Variants in PLCG2 observed in about 807,000 individuals in gnomAD.
The protein encoded by PLCG2 is phospholipase C gamma 2.
PLCG2 carries 69 observed loss-of-function variants against 175.6 expected under a neutral mutation model. The observed-to-expected ratio is 0.39, with a 90% CI of 0.32 to 0.48. The LOEUF is 0.48. PLCG2 is among the 20% of genes least tolerant of loss of function. The pLI is 0.91. For missense variants in PLCG2, 1,798 were observed against 1,650.9 expected (o/e 1.09, Z -1.54); for synonymous variants, 827 against 624.0 (o/e 1.33, Z -4.85).
At chr16:81,946,447 A>G (rs1365377987) in intron 31 of PLCG2, among the ~76,000 whole-genome samples, 184 bp downstream of exon 31, 2 of 152,138 alleles carry the variant, frequency 1.3e-5, no homozygotes, top group Non-Finnish European at 2.9e-5. Flanking sequence ...TTTCCCTCCC[A>G]GCATCCTCCT....
intron 2 of PLCG2, among the ~76,000 whole-genome samples, chr16:81,791,921 C>G (rs994262489): frequency 1.3e-5 from 2 of 152,092 alleles, no homozygotes; most frequent in African/African-American, 2.4e-5. Context: ...CAGAAGAGTC[C>G]CAGGCAGAAG....
intron 5 of PLCG2, among the ~76,000 whole-genome samples, chr16:81,860,173 T>TTATTATTA (rs56260145): frequency 2.3e-4 from 19 of 81,524 alleles, no homozygotes; most frequent in Non-Finnish European, 3.6e-4. Context: ...ATTATTATTA[T>TTATTATTA]TTTTTTTTTT....
intron 2 of PLCG2, among the ~76,000 whole-genome samples, chr16:81,850,648 G>A (rs948820017): frequency 1.3e-5 from 2 of 152,192 alleles, no homozygotes; most frequent in Admixed American, 1.3e-4. Context: ...AGACAGTCAG[G>A]AGAGGAATTT....
chr16:81,954,018 G>C lies in PLCG2; in HGVS notation c.3571-2677G>C, dbSNP rs1281942841. Among the ~76,000 whole-genome samples, 6 of 152,158 alleles carry C rather than the reference G, an allele frequency of 3.9e-5. No individual in the cohort carries two copies. In the East Asian group the frequency reaches 9.7e-4, roughly 24 times the overall value. On this transcript the variant is annotated intron_variant, in intron 31 of 32. Transcript: ENST00000564138. ...GGTATAGTATTAAGACTTAAATGGG[G>C]TTTTCATTTTGCTTTATTTTTTGAG...
At chr16:81,914,230 G>A (rs1400983670) in intron 19 of PLCG2, among the ~76,000 whole-genome samples, 3 of 152,230 alleles carry the variant, frequency 2.0e-5, no homozygotes, top group Admixed American at 6.5e-5. Flanking sequence ...GTGCCCAAGC[G>A]GTGAGACAGC....
chr16:81,908,709 T>G, intron 17 of PLCG2, 118 bp downstream of exon 17: 1 of 840,174 alleles, frequency 1.2e-6, no homozygotes, highest in East Asian at 2.8e-5. Flanking sequence ...AATCCCAGGC[T>G]TCATTTGTCT....
Position 81,921,220 on chromosome 16 carries a change from A to G in PLCG2, c.2258A>G (p.Tyr753Cys). Residue 753 changes from tyrosine to cysteine, a missense_variant, in exon 21 of 33, where the codon TAC (tyrosine) becomes TGC (cysteine). Physicochemically the swap from Tyr to Cys is radical, Grantham distance 194 (BLOSUM62 -2). Transcript: ENST00000564138. ...YNMERDINSL[Y>C]DVSRMYVDPS... Reference sequence around the variant, plus strand: ...CAGGAAAGAGATATAAACTCCCTCTACGACGTCAGCAGAATGTATGTGGAT... The same window carrying G: ...CAGGAAAGAGATATAAACTCCCTCTGCGACGTCAGCAGAATGTATGTGGAT... 6.2e-7 allele frequency: 1 copy of G among 1,604,276 alleles called. No homozygotes were observed. The highest frequency in any genetic ancestry group is 8.5e-7 in the Non-Finnish European group (1 of 1,171,168).
At position 81,806,019 on chromosome 16, in the gene PLCG2, A is replaced by G. The variant is rs568713405; in HGVS notation, c.193+19837A>G. ...GAAACTAACTTTATTAATAAATTTT[A>G]TTTAACTCAGTATATCCAAAGCATT... On this transcript the variant is annotated intron_variant, in intron 2 of 32. Coordinates refer to ENST00000564138, the MANE Select transcript of PLCG2 (RefSeq NM_002661.5). 2.0e-5 allele frequency among the ~76,000 whole-genome samples: 3 copies of G among 152,028 alleles called. No homozygotes were observed. The East Asian group carries it at 5.8e-4, about 29-fold the overall frequency.
At chr16:81,771,068 A>AT in intron 2 of PLCG2, among the ~76,000 whole-genome samples, 2 of 120,318 alleles carry the variant, frequency 1.7e-5, no homozygotes, top group African/African-American at 5.8e-5. Flanking sequence ...AAAAAAAAAA[A>AT]AAAATAAATA....
At position 81,961,670 on chromosome 16, in the gene PLCG2, A is replaced by G. The variant is rs919257545; in HGVS notation, c.*3672A>G. ...CTTGTTCCAGGTAAGACTGATCATA[A>G]AAAAATGGCCCTGTTCATAAAATTT... On this transcript the variant is annotated 3_prime_UTR_variant, in exon 33 of 33. Transcript: ENST00000564138. 9.4e-6 allele frequency: 2 copies of G among 213,330 alleles called. No individual in the cohort carries two copies. Among genetic ancestry groups the G allele is most frequent in the Non-Finnish European group, 1.9e-5 (2 of 105,692 alleles). The allele number at this position is 213,330 out of a possible 1,614,324, so 13.2% of individuals were successfully genotyped here. A position where few individuals can be genotyped will look rare whatever the true frequency, so the allele number is the denominator to read the frequency against.
intron 2 of PLCG2, among the ~76,000 whole-genome samples, chr16:81,843,381 G>T (rs1264987346): frequency 1.3e-5 from 2 of 152,130 alleles, no homozygotes; most frequent in Non-Finnish European, 2.9e-5. Context: ...CTTCTTAGCT[G>T]AATCCAGTAC....
intron 2 of PLCG2, among the ~76,000 whole-genome samples, chr16:81,851,548 T>TAGA (rs926936719): frequency 5.9e-5 from 9 of 152,210 alleles, no homozygotes; most frequent in Non-Finnish European, 8.8e-5. Context: ...AGTCTCACTC[T>TAGA]GTCACCCAGG....
At position 81,745,023 on chromosome 16, in the gene PLCG2, C is replaced by T. The variant is rs147197834; in HGVS notation, c.-145+5638C>T. On this transcript the variant is annotated intron_variant, in intron 1 of 5. Coordinates refer to the PLCG2 transcript ENST00000565054. ...CCTGGACTTTAAAAATAATGTTATG[C>T]AGTGGAACCTTTTTCCTGTTGATTC... is the stretch of plus-strand genomic sequence containing the variant. 5.0e-4 allele frequency among the ~76,000 whole-genome samples: 76 copies of T among 152,300 alleles called. 1 individual carries two copies. The highest frequency in any genetic ancestry group is 1.7e-3 in the African/African-American group (72 of 41,570).
intron 7 of PLCG2, among the ~76,000 whole-genome samples, chr16:81,871,137 T>G (rs1907493596): frequency 6.6e-6 from 1 of 152,154 alleles, no homozygotes; most frequent in Non-Finnish European, 1.5e-5. Flanking sequence ...GTGGGCAAAA[T>G]GTAGAGAAAT....
chr16:81,873,403 A>G (rs1907613251), intron 7 of PLCG2, among the ~76,000 whole-genome samples: 1 of 152,262 alleles, frequency 6.6e-6, no homozygotes, highest in Non-Finnish European at 1.5e-5. Flanking sequence ...CCTTGAGAAC[A>G]ATGACGTGTG....
intron 6 of PLCG2, 81 bp from the exon 7 acceptor site, chr16:81,870,770 CA>C (rs66525407): frequency 1.4e-6 from 1 of 712,316 alleles, no homozygotes; most frequent in East Asian, 2.8e-5. Context: ...ATTTCTGAAA[CA>C]AAAATTATTC....
intron 1 of PLCG2, among the ~76,000 whole-genome samples, chr16:81,780,655 A>G (rs967843808): frequency 1.3e-5 from 2 of 152,240 alleles, no homozygotes; most frequent in Non-Finnish European, 2.9e-5. Flanking sequence ...TGGAAGTGGA[A>G]AAGCACAGAC....
At chr16:81,787,252 C>G (rs1454776510) in intron 2 of PLCG2, among the ~76,000 whole-genome samples, 1 of 151,984 alleles carries the variant, frequency 6.6e-6, no homozygotes, top group African/African-American at 2.4e-5. Flanking sequence ...GACAAGGTCT[C>G]TTTCTTTTAC....
At chr16:81,871,928 A>G (rs556352641) in intron 7 of PLCG2, among the ~76,000 whole-genome samples, 19 of 152,340 alleles carry the variant, frequency 1.2e-4, no homozygotes, top group East Asian at 7.7e-4. Flanking sequence ...ATTAAGAAGC[A>G]TGTGTCAGTT....
Sources: gnomAD v4.1 joint callset for allele counts (sites outside exome capture counted in the v4.1 genomes callset) on GRCh38, gnomAD v4.1.1 for gene constraint, MANE v1.5 for transcripts, NCBI Gene and HGNC (gene_info 2026-07-23, HGNC 2026-07-21) for gene names.